The following JMJD1C variants were observed in gnomAD, a reference collection of about 807,000 sequenced individuals.
JMJD1C encodes the protein jumonji domain-containing protein 1C.
Under a neutral mutation model 245.3 loss-of-function variants are expected in JMJD1C, and 31 were observed. That is an observed-to-expected ratio of 0.13 (90% confidence interval 0.09 to 0.17). JMJD1C has a LOEUF of 0.17. Ranked by LOEUF, JMJD1C falls within the 10% of genes least tolerant of loss-of-function variation. JMJD1C has a pLI of 1.00. For missense variants in JMJD1C, 2,691 were observed against 3,000.2 expected (o/e 0.90, Z 2.41); for synonymous variants, 1,057 against 1,017.4 (o/e 1.04, Z -0.74).
At chr10:63,354,782 G>C (rs1047706102) in intron 2 of JMJD1C, among the ~76,000 whole-genome samples, 3 of 151,348 alleles carry the variant, frequency 2.0e-5, no homozygotes, top group Admixed American at 6.6e-5. Flanking sequence ...TGGGAGGTTG[G>C]GGCAGGTGGA....
At chr10:63,487,293 C>A (rs1428453199) in intron 1 of JMJD1C, among the ~76,000 whole-genome samples, 1 of 152,046 alleles carries the variant, frequency 6.6e-6, no homozygotes, top group African/African-American at 2.4e-5. Context: ...TTCATCAGGA[C>A]CAAAGATGAA....
chr10:63,407,324 A>C (rs1409378319), intron 1 of JMJD1C, among the ~76,000 whole-genome samples: 1 of 152,218 alleles, frequency 6.6e-6, no homozygotes, highest in Non-Finnish European at 1.5e-5. Context: ...AAGAAGGATT[A>C]AGTGAAAGCT....
At chr10:63,260,148 A>G (rs2133734759) in intron 3 of JMJD1C, among the ~76,000 whole-genome samples, 1 of 152,348 alleles carries the variant, frequency 6.6e-6, no homozygotes, top group East Asian at 1.9e-4. Flanking sequence ...TGTAAGATAA[A>G]CATGCGGTAT....
chr10:63,192,685 C>T (rs1048207388), intron 16 of JMJD1C, among the ~76,000 whole-genome samples: 2 of 151,836 alleles, frequency 1.3e-5, no homozygotes, highest in Admixed American at 1.3e-4. Flanking sequence ...CAGTGAGCAA[C>T]GATTGTGCCA....
intron 11 of JMJD1C, among the ~76,000 whole-genome samples, chr10:63,199,474 T>C (rs1287119902): frequency 1.6e-4 from 24 of 152,182 alleles, no homozygotes; most frequent in Admixed American, 1.5e-3. Context: ...ATACCTTTAT[T>C]ATTCTTTCCA....
At chr10:63,371,958 T>C (rs1946356819) in intron 2 of JMJD1C, among the ~76,000 whole-genome samples, 1 of 152,226 alleles carries the variant, frequency 6.6e-6, no homozygotes, top group East Asian at 1.9e-4. Context: ...ATGTAAAAAC[T>C]CTTTAAATGA....
intron 22 of JMJD1C, among the ~76,000 whole-genome samples, chr10:63,180,366 G>A (rs967700242): frequency 1.3e-5 from 2 of 152,120 alleles, no homozygotes; most frequent in African/African-American, 2.4e-5. Flanking sequence ...TTGGGAATTA[G>A]AATTAAGAAA....
Position 63,427,657 on chromosome 10 carries a change from AGT to A in JMJD1C, c.168+37836_168+37837del, listed in dbSNP as rs1156380125. 2.3e-6 allele frequency: 3 copies of A among 1,319,794 alleles called. No individual in the cohort carries two copies. The African/African-American group carries it at 4.4e-5, about 19-fold the overall frequency. The allele number at this position is 1,319,794 out of a possible 1,614,324, so 81.8% of individuals were successfully genotyped here. ...TGTTTACTGTATGAACTCTAACAAC[AGT>A]GGCTGGACCGAAATCCGCAGAGAAG... is the stretch of plus-strand genomic sequence containing the variant. On this transcript the variant is annotated intron_variant, in intron 1 of 25. Coordinates refer to ENST00000399262, the MANE Select transcript of JMJD1C (RefSeq NM_032776.3).
intron 1 of JMJD1C, among the ~76,000 whole-genome samples, chr10:63,440,895 G>T (rs1002529160): frequency 2.6e-5 from 4 of 152,080 alleles, no homozygotes; most frequent in Non-Finnish European, 5.9e-5. Flanking sequence ...CTATCTTATA[G>T]ATCAAAAAAG....
intron 1 of JMJD1C, among the ~76,000 whole-genome samples, chr10:63,493,088 T>C (rs1180162664): frequency 6.6e-6 from 1 of 152,192 alleles, no homozygotes; most frequent in Non-Finnish European, 1.5e-5. Flanking sequence ...ACCTTTCCAT[T>C]ATCTTTTTTC....
At position 63,167,978 on chromosome 10, in the gene JMJD1C, T is replaced by A; in HGVS notation, c.*67A>T. On this transcript the variant is annotated 3_prime_UTR_variant, in exon 26 of 26. Transcript: ENST00000399262. Reference sequence around the variant, plus strand: ...TTATGAAGCTTAAAGTCAGTGTGCATACATATCATCATTCAAGGTTAAGTA... The same window carrying A: ...TTATGAAGCTTAAAGTCAGTGTGCAAACATATCATCATTCAAGGTTAAGTA... 1.1e-6 allele frequency: 1 copy of A among 922,368 alleles called. No homozygotes were observed. The allele number at this position is 922,368 out of a possible 1,614,324, so 57.1% of individuals were successfully genotyped here. A position where few individuals can be genotyped will look rare whatever the true frequency, so the allele number is the denominator to read the frequency against.
At chr10:63,513,361 G>T (rs1339547542) in intron 1 of JMJD1C, among the ~76,000 whole-genome samples, 2 of 152,090 alleles carry the variant, frequency 1.3e-5, no homozygotes, top group Non-Finnish European at 2.9e-5. Context: ...AATCCTAGAA[G>T]AAAACCTAGG....
At chr10:63,174,636 C>G (rs1366039121) in intron 24 of JMJD1C, among the ~76,000 whole-genome samples, 2 of 152,062 alleles carry the variant, frequency 1.3e-5, no homozygotes, top group Admixed American at 1.3e-4. Context: ...GAGTTCGAGA[C>G]CAGCCTGACC....
chr10:63,177,922 T>C lies in JMJD1C; in HGVS notation c.7085-66A>G. On this transcript the variant is annotated intron_variant, in intron 22 of 25. Coordinates refer to ENST00000399262, the MANE Select transcript of JMJD1C (RefSeq NM_032776.3). Reference sequence around the variant, plus strand: ...TACCAGAAAGCCAAGTCTCCTAAAGTTGATCTATCAGAGCAGCAGAGTGCC... The same window carrying C: ...TACCAGAAAGCCAAGTCTCCTAAAGCTGATCTATCAGAGCAGCAGAGTGCC... 5.8e-6 allele frequency: 9 copies of C among 1,545,754 alleles called. No homozygotes were observed. The South Asian group carries it at 7.0e-5, about 12-fold the overall frequency.
intron 8 of JMJD1C, among the ~76,000 whole-genome samples, chr10:63,212,266 A>G (rs1235979920): frequency 6.6e-6 from 1 of 152,204 alleles, no homozygotes; most frequent in East Asian, 1.9e-4. Context: ...ACTTAACACT[A>G]CTGAACTGTA....
intron 1 of JMJD1C, among the ~76,000 whole-genome samples, chr10:63,490,649 C>T (rs1440100842): frequency 6.6e-6 from 1 of 151,982 alleles, no homozygotes; most frequent in East Asian, 1.9e-4. Context: ...CTGTTGACCT[C>T]GTGATCCACC....
At chr10:63,254,631 C>G (rs1381419703) in intron 3 of JMJD1C, among the ~76,000 whole-genome samples, 2 of 152,048 alleles carry the variant, frequency 1.3e-5, no homozygotes, top group Non-Finnish European at 2.9e-5. Context: ...GCCTTGACCT[C>G]CTGGGCTCAA....
At chr10:63,407,343 G>A (rs999875526) in intron 1 of JMJD1C, among the ~76,000 whole-genome samples, 4 of 152,200 alleles carry the variant, frequency 2.6e-5, no homozygotes, top group African/African-American at 9.7e-5. Context: ...CTGACATAAT[G>A]AAATATGTCT....
chr10:63,264,493 T>C (rs1348403681), intron 3 of JMJD1C, among the ~76,000 whole-genome samples, 158 bp downstream of exon 3: 1 of 152,206 alleles, frequency 6.6e-6, no homozygotes, highest in East Asian at 1.9e-4. Context: ...ATAAATCGTT[T>C]ATCCTATAAG....
Sources: gnomAD v4.1 joint callset for allele counts (sites outside exome capture counted in the v4.1 genomes callset) on GRCh38, gnomAD v4.1.1 for gene constraint, MANE v1.5 for transcripts, NCBI Gene and HGNC (gene_info 2026-07-23, HGNC 2026-07-21) for gene names.